DYM: variants seen among roughly 807,000 people sequenced by gnomAD.
The protein encoded by DYM is dymeclin.
A neutral mutation model predicts 93.1 loss-of-function variants in DYM; 78 were observed. The observed-to-expected ratio is 0.84, with a 90% CI of 0.70 to 1.01. DYM has a LOEUF of 1.01. Among genes scored for constraint, DYM ranks in the 50% least tolerant of loss-of-function variants. DYM has a pLI of 0.00. For missense variants in DYM, 789 were observed against 845.0 expected, an observed-to-expected ratio of 0.93 and a Z score of 0.82; for synonymous variants, 321 against 319.7, an observed-to-expected ratio of 1.00 and a Z score of -0.04.
intron 11 of DYM, among the ~76,000 whole-genome samples, chr18:49,260,903 G>T (rs2094479352): frequency 6.6e-6 from 1 of 150,926 alleles, no homozygotes; most frequent in Admixed American, 6.6e-5. Context: ...GTATTTAGCT[G>T]CCCCTCCTCA....
In DYM at chr18:49,194,134, T is replaced by C. The variant is rs144596224; in HGVS notation, c.1625+15417A>G. ...GTTAGACACTTAGTAACAAAGAATATTTCTATAATAAGCAGTTGTGCAAGT... is the reference window on the plus strand; with the variant it reads ...GTTAGACACTTAGTAACAAAGAATACTTCTATAATAAGCAGTTGTGCAAGT... On this transcript the variant is annotated intron_variant, in intron 14 of 17. Transcript: ENST00000675505. Among the ~76,000 whole-genome samples the C allele has an allele frequency of 2.0e-5, 3 of 152,314 alleles. No individual in the cohort carries two copies. In the East Asian group the frequency reaches 5.8e-4, roughly 29 times the overall value.
chr18:49,304,167 C>G (rs1599277919), intron 8 of DYM, among the ~76,000 whole-genome samples: 1 of 152,354 alleles, frequency 6.6e-6, no homozygotes, highest in Middle Eastern at 3.4e-3. Flanking sequence ...CTACACAATA[C>G]AGAGATGCAT....
intron 3 of DYM, among the ~76,000 whole-genome samples, chr18:49,388,897 AT>A (rs1376909823): frequency 7.2e-6 from 1 of 139,740 alleles, no homozygotes; most frequent in African/African-American, 2.7e-5. Flanking sequence ...AAGAAAAAAA[AT>A]AGCACATTTT....
intron 1 of DYM, among the ~76,000 whole-genome samples, chr18:49,459,814 T>A (rs1347568118): frequency 1.3e-5 from 2 of 151,582 alleles, no homozygotes; most frequent in Non-Finnish European, 2.9e-5. Flanking sequence ...CACTTTTCAG[T>A]CAAAACACAA....
chr18:49,417,593 G>A (rs575773748), intron 2 of DYM, among the ~76,000 whole-genome samples: 1 of 151,368 alleles, frequency 6.6e-6, no homozygotes, highest in South Asian at 2.1e-4. Flanking sequence ...ATATATAGAA[G>A]GCTCTTCAAG....
intron 15 of DYM, among the ~76,000 whole-genome samples, chr18:49,131,007 A>T (rs2083332751): frequency 6.6e-6 from 1 of 152,196 alleles, no homozygotes; most frequent in Non-Finnish European, 1.5e-5. Context: ...AAATGAGAGA[A>T]CTACTTACTT....
intron 15 of DYM, among the ~76,000 whole-genome samples, chr18:49,125,192 G>T (rs961306110): frequency 6.6e-6 from 1 of 152,086 alleles, no homozygotes; most frequent in Non-Finnish European, 1.5e-5. Context: ...CCCAGCAGGC[G>T]GAGGTTGCAG....
At chr18:49,112,038 T>G (rs1411635500) in intron 16 of DYM, among the ~76,000 whole-genome samples, 1 of 152,048 alleles carries the variant, frequency 6.6e-6, no homozygotes, top group Non-Finnish European at 1.5e-5. Context: ...TTTTTTTGTT[T>G]TATCTTTTAC....
At chr18:49,459,655 A>G (rs563938742) in intron 1 of DYM, among the ~76,000 whole-genome samples, 1 of 151,978 alleles carries the variant, frequency 6.6e-6, no homozygotes, top group Admixed American at 6.5e-5. Context: ...TAATCAGTCT[A>G]TCCTGGGTAC....
chr18:49,444,301 C>A (rs546936454), intron 1 of DYM, among the ~76,000 whole-genome samples: 1 of 152,126 alleles, frequency 6.6e-6, no homozygotes, highest in East Asian at 1.9e-4. Context: ...AATGGCTTAA[C>A]AATGGCAGAG....
At chr18:49,291,378 A>G (rs1252986435) in intron 8 of DYM, among the ~76,000 whole-genome samples, 1 of 152,220 alleles carries the variant, frequency 6.6e-6, no homozygotes, top group East Asian at 1.9e-4. Context: ...TCTTATGAAT[A>G]GCCTAAATAT....
intron 8 of DYM, among the ~76,000 whole-genome samples, chr18:49,299,319 A>T (rs2060753912): frequency 6.6e-6 from 1 of 152,238 alleles, no homozygotes; most frequent in Non-Finnish European, 1.5e-5. Context: ...TGAACTAAGT[A>T]AACTGGAATT....
At chr18:49,191,454 T>C (rs919887114) in intron 14 of DYM, among the ~76,000 whole-genome samples, 26 of 152,046 alleles carry the variant, frequency 1.7e-4, no homozygotes, top group African/African-American at 5.8e-4. Flanking sequence ...CAAACCTGTA[T>C]AAAAAATCAA....
intron 13 of DYM, among the ~76,000 whole-genome samples, chr18:49,244,717 A>T (rs954704025): frequency 1.3e-5 from 2 of 152,220 alleles, no homozygotes; most frequent in Admixed American, 1.3e-4. Flanking sequence ...GAAGAAGAAA[A>T]AAACCCAAAA....
At chr18:49,208,127 G>A (rs1272210097) in intron 14 of DYM, among the ~76,000 whole-genome samples, 1 of 142,902 alleles carries the variant, frequency 7.0e-6, no homozygotes, top group Non-Finnish European at 1.5e-5. Context: ...AGGTTGCAGT[G>A]AGCAGAGATT....
chr18:49,299,356 C>T (rs1345360984), intron 8 of DYM, among the ~76,000 whole-genome samples: 2 of 152,122 alleles, frequency 1.3e-5, no homozygotes, highest in South Asian at 2.1e-4. Context: ...AAGACAAAAT[C>T]GTGGCAGTGG....
chr18:49,441,207 T>TA (rs1646292068), intron 1 of DYM, among the ~76,000 whole-genome samples: 1 of 40,238 alleles, frequency 2.5e-5, no homozygotes, highest in African/African-American at 9.6e-5. Flanking sequence ...TTATATATTA[T>TA]ATATATTATA....
chr18:49,295,349 T>G (rs1315925938), intron 8 of DYM, among the ~76,000 whole-genome samples: 1 of 152,228 alleles, frequency 6.6e-6, no homozygotes, highest in African/African-American at 2.4e-5. Context: ...AGGACTACAT[T>G]TCCCAGTCTT....
chr18:49,091,849 G>A lies in DYM; in HGVS notation c.2025+5553C>T, dbSNP rs1361879045. ...AGGCTGGTCTCAAACTCCTGTCCTC[G>A]TGATCTGCCCGCCTCCAGCTCCCAA... is the stretch of plus-strand genomic sequence containing the variant. On this transcript the variant is annotated intron_variant, in intron 17 of 17. Coordinates refer to ENST00000675505, the MANE Select transcript of DYM (RefSeq NM_001353214.3). Among the ~76,000 whole-genome samples, 14 of 152,148 alleles carry A rather than the reference G, an allele frequency of 9.2e-5. No individual in the cohort carries two copies. The East Asian group carries it at 2.1e-3, about 23-fold the overall frequency.
Sources: gnomAD v4.1 joint callset for allele counts (sites outside exome capture counted in the v4.1 genomes callset) on GRCh38, gnomAD v4.1.1 for gene constraint, MANE v1.5 for transcripts, NCBI Gene and HGNC (gene_info 2026-07-23, HGNC 2026-07-21) for gene names.